TCF4: variants seen among roughly 807,000 people sequenced by gnomAD.
The protein encoded by TCF4 is transcription factor 4, also known as SL3-3 enhancer factor 2.
A neutral mutation model predicts 82.1 loss-of-function variants in TCF4; 3 were observed. The ratio of observed to expected loss-of-function variants is 0.04; its 90% CI spans 0.02 to 0.09. The LOEUF (loss-of-function observed/expected upper bound fraction) is 0.09. Among genes scored for constraint, TCF4 ranks in the 10% least tolerant of loss-of-function variants. TCF4 has a pLI of 1.00. For missense variants in TCF4, 518 were observed against 852.7 expected (o/e 0.61, Z 4.89); for synonymous variants, 276 against 309.6 (o/e 0.89, Z 1.14).
chr18:55,498,716 T>G (rs1179284675), intron 3 of TCF4, among the ~76,000 whole-genome samples: 3 of 152,182 alleles, frequency 2.0e-5, no homozygotes, highest in African/African-American at 7.2e-5. Context: ...CTACTTCCAC[T>G]TCTAGCACCA....
intron 3 of TCF4, among the ~76,000 whole-genome samples, chr18:55,583,670 A>T (rs527822661): frequency 6.6e-6 from 1 of 152,284 alleles, no homozygotes; most frequent in African/African-American, 2.4e-5. Flanking sequence ...CTTTAAAAGT[A>T]GTCTATCTCT....
chr18:55,429,538 G>A (rs535855571), intron 5 of TCF4, among the ~76,000 whole-genome samples: 21 of 152,178 alleles, frequency 1.4e-4, no homozygotes, highest in African/African-American at 3.9e-4. Flanking sequence ...CAAGACCAGC[G>A]GATCACAAGG....
chr18:55,518,970 A>T (rs1332644202), intron 3 of TCF4: 1 of 152,176 alleles, frequency 6.6e-6, no homozygotes, highest in East Asian at 1.9e-4. Flanking sequence ...AGAACATTCA[A>T]CCCAAACTCA....
intron 5 of TCF4, among the ~76,000 whole-genome samples, chr18:55,447,390 A>G (rs2095545153): frequency 6.6e-6 from 1 of 152,054 alleles, no homozygotes; most frequent in South Asian, 2.1e-4. Context: ...CACATGGATT[A>G]TTTCCCCAAC....
chr18:55,606,019 T>C (rs147543534), intron 2 of TCF4, among the ~76,000 whole-genome samples: 2 of 152,354 alleles, frequency 1.3e-5, no homozygotes, highest in East Asian at 3.9e-4. Flanking sequence ...CCCAGCAATC[T>C]ATTTAACAAG....
chr18:55,504,735 T>C (rs1172967753), intron 3 of TCF4, among the ~76,000 whole-genome samples: 1 of 152,198 alleles, frequency 6.6e-6, no homozygotes, highest in Non-Finnish European at 1.5e-5. Flanking sequence ...ATACACAGTG[T>C]GCCCACACTG....
chr18:55,413,611 T>C (rs2094432658), intron 5 of TCF4, among the ~76,000 whole-genome samples: 1 of 151,958 alleles, frequency 6.6e-6, no homozygotes, highest in Non-Finnish European at 1.5e-5. Context: ...CTGCAGTGTT[T>C]AAGAGAAGCC....
chr18:55,528,038 T>G (rs1054964746), intron 3 of TCF4, among the ~76,000 whole-genome samples: 9 of 152,208 alleles, frequency 5.9e-5, no homozygotes, highest in African/African-American at 1.9e-4. Context: ...TAGAAAAAAT[T>G]TGTTACACAC....
chr18:55,634,430 G>A (rs758139106), intron 1 of TCF4, among the ~76,000 whole-genome samples: 7 of 151,952 alleles, frequency 4.6e-5, no homozygotes, highest in Non-Finnish European at 1.0e-4. Context: ...TGAGGCTCAT[G>A]TTGTTTTAGA....
At chr18:55,420,481 C>G (rs941127007) in intron 5 of TCF4, among the ~76,000 whole-genome samples, 1 of 152,148 alleles carries the variant, frequency 6.6e-6, no homozygotes, top group African/African-American at 2.4e-5. Context: ...CAACGAATCA[C>G]CCTGAAGTTT....
chr18:55,354,228 G>A (rs933228159), intron 6 of TCF4, among the ~76,000 whole-genome samples: 1 of 152,104 alleles, frequency 6.6e-6, no homozygotes, highest in Non-Finnish European at 1.5e-5. Flanking sequence ...ATGTTTTGGG[G>A]TTCACCCTCT....
chr18:55,518,058 TTAATGGCCTACCGTTAAGTACTTA>T (rs2096899869), intron 3 of TCF4, among the ~76,000 whole-genome samples: 2 of 152,184 alleles, frequency 1.3e-5, no homozygotes, highest in Admixed American at 1.3e-4. Context: ...ATTACATGAA[TTAATGGCCTACCGTTAAGTACTTA>T]TTGAAACACC....
intron 8 of TCF4, among the ~76,000 whole-genome samples, chr18:55,319,372 A>T (rs1022643876): frequency 6.6e-6 from 1 of 152,184 alleles, no homozygotes; most frequent in African/African-American, 2.4e-5. Context: ...TGTATGCATG[A>T]GGGCATTTTA....
intron 5 of TCF4, among the ~76,000 whole-genome samples, chr18:55,439,842 C>A (rs1222795225): frequency 6.6e-6 from 1 of 152,204 alleles, no homozygotes; most frequent in African/African-American, 2.4e-5. Flanking sequence ...CCTGCCTCAG[C>A]CTCCCGACTA....
At chr18:55,365,264 T>C (rs528174669) in intron 6 of TCF4, among the ~76,000 whole-genome samples, 97 of 144,266 alleles carry the variant, frequency 6.7e-4, no homozygotes, top group African/African-American at 2.3e-3. Context: ...TATATATATA[T>C]ATACACACAC....
Position 55,633,171 on chromosome 18 carries a change from C to T in TCF4, c.196-1783G>A, listed in dbSNP as rs1037142049. Reference sequence around the variant, plus strand: ...GGCTTAGCCAGATAGTTCTGGCTTACGGTCTGTTCTGAGGTTTGAGCCAAG... The same window carrying T: ...GGCTTAGCCAGATAGTTCTGGCTTATGGTCTGTTCTGAGGTTTGAGCCAAG... On this transcript the variant is annotated intron_variant, in intron 1 of 20. Transcript: ENST00000398339. The surrounding 1 kb of genome is among the most constrained non-coding windows in gnomAD (Gnocchi z 4.0). Among the ~76,000 whole-genome samples the T allele has an allele frequency of 3.9e-5, 6 of 152,222 alleles. No homozygotes were observed. Among genetic ancestry groups the T allele is most frequent in the Non-Finnish European group, 5.9e-5 (4 of 68,044 alleles).
At chr18:55,361,970 T>C (rs1311795699) in intron 6 of TCF4, among the ~76,000 whole-genome samples, 1 of 152,204 alleles carries the variant, frequency 6.6e-6, no homozygotes, top group African/African-American at 2.4e-5. Flanking sequence ...ATAACCAAAC[T>C]GTGTGAATTC....
At chr18:55,253,682 AT>A (rs2055942021) in intron 15 of TCF4, among the ~76,000 whole-genome samples, 2 of 152,222 alleles carry the variant, frequency 1.3e-5, no homozygotes, top group Non-Finnish European at 2.9e-5. Context: ...ACTCTATTAA[AT>A]TACACAGTCA....
chr18:55,464,282 C>G (rs964328660), intron 3 of TCF4, 145 bp from the exon 4 acceptor site: 2 of 732,076 alleles, frequency 2.7e-6, no homozygotes. Context: ...ATAGTGGCTT[C>G]TGACCCATCT....
Sources: gnomAD v4.1 joint callset for allele counts (sites outside exome capture counted in the v4.1 genomes callset) on GRCh38, gnomAD v4.1.1 for gene constraint, Gnocchi (gnomAD v3.1) non-coding constraint, MANE v1.5 for transcripts, NCBI Gene and HGNC (gene_info 2026-07-23, HGNC 2026-07-21) for gene names.